The following NKAIN3 variants were observed in gnomAD, a reference collection of about 807,000 sequenced individuals.
NKAIN3 encodes the protein sodium/potassium-transporting ATPase subunit beta-1-interacting protein 3.
NKAIN3 carries 25 observed loss-of-function variants against 30.2 expected under a neutral mutation model. The ratio of observed to expected loss-of-function variants is 0.83; its 90% CI spans 0.60 to 1.16. NKAIN3 has a LOEUF of 1.16. NKAIN3 is among the 50% of genes most tolerant of loss of function. The probability of loss-of-function intolerance (pLI) is 0.00; values close to 1 mark genes in which losing one functional copy is unlikely to be tolerated. For synonymous variants in NKAIN3, 91 were observed against 89.6 expected (o/e 1.02, Z -0.09); for missense variants, 225 against 254.1 (o/e 0.89, Z 0.78).
intron 1 of NKAIN3, among the ~76,000 whole-genome samples, chr8:62,529,869 G>C (rs1045787709): frequency 6.6e-6 from 1 of 152,066 alleles, no homozygotes. Context: ...CTGAGCTCTT[G>C]TTATCTTTGT....
At position 62,980,716 on chromosome 8, in the gene NKAIN3, A is replaced by G. The variant is rs1320726489; in HGVS notation, c.*15309A>G. On this transcript the variant is annotated 3_prime_UTR_variant, in exon 7 of 7. Coordinates refer to ENST00000623646, the MANE Select transcript of NKAIN3 (RefSeq NM_001304533.3). ...TGTACATGATATTTTTAGGCAAAAC[A>G]TAATGTCTGGAGCACCAAGTGAAAT... 3 of 152,224 alleles carry G rather than the reference A, an allele frequency of 2.0e-5. No homozygotes were observed. The highest frequency in any genetic ancestry group is 4.4e-5 in the Non-Finnish European group (3 of 68,044). The allele number at this position is 152,224 out of a possible 1,614,324, so 9.4% of individuals were successfully genotyped here. A position where few individuals can be genotyped will look rare whatever the true frequency, so the allele number is the denominator to read the frequency against.
At chr8:62,859,229 T>G (rs990443184) in intron 4 of NKAIN3, among the ~76,000 whole-genome samples, 1 of 152,138 alleles carries the variant, frequency 6.6e-6, no homozygotes, top group Non-Finnish European at 1.5e-5. Context: ...CCTACCCTGC[T>G]TTTCTTTCTT....
intron 5 of NKAIN3, among the ~76,000 whole-genome samples, chr8:62,942,728 A>G (rs1423248319): frequency 6.6e-6 from 1 of 152,126 alleles, no homozygotes; most frequent in Non-Finnish European, 1.5e-5. Flanking sequence ...ACAAAGCCAA[A>G]TACTTACAGC....
At chr8:62,504,333 C>G (rs2129698164) in intron 1 of NKAIN3, among the ~76,000 whole-genome samples, 1 of 152,316 alleles carries the variant, frequency 6.6e-6, no homozygotes, top group African/African-American at 2.4e-5. Flanking sequence ...TATAAAATAT[C>G]TGAAACAAAA....
intron 1 of NKAIN3, among the ~76,000 whole-genome samples, chr8:62,313,877 T>A (rs1814528954): frequency 6.6e-6 from 1 of 152,116 alleles, no homozygotes; most frequent in Admixed American, 6.6e-5. Flanking sequence ...TCACAAAACA[T>A]TTACTGTAAA....
intron 4 of NKAIN3, among the ~76,000 whole-genome samples, chr8:62,790,767 G>C (rs1429804145): frequency 6.6e-6 from 1 of 152,050 alleles, no homozygotes; most frequent in African/African-American, 2.4e-5. Context: ...ACATGCTTTG[G>C]GCAAGTAATA....
intron 4 of NKAIN3, among the ~76,000 whole-genome samples, chr8:62,803,433 T>C (rs1818147875): frequency 6.6e-6 from 1 of 151,992 alleles, no homozygotes; most frequent in African/African-American, 2.4e-5. Flanking sequence ...CACAGTGCAA[T>C]CAAACTAGAA....
chr8:62,761,131 TCA>T (rs1262303482), intron 4 of NKAIN3, among the ~76,000 whole-genome samples: 9 of 152,196 alleles, frequency 5.9e-5, no homozygotes, highest in Non-Finnish European at 8.8e-5. Flanking sequence ...CATAACAGGC[TCA>T]CAGTGTATAC....
intron 1 of NKAIN3, among the ~76,000 whole-genome samples, chr8:62,266,143 A>G (rs573813433): frequency 6.6e-6 from 1 of 152,292 alleles, no homozygotes; most frequent in Non-Finnish European, 1.5e-5. Context: ...GGGGACACCA[A>G]GCAAGGAGCC....
At chr8:62,383,641 C>A in intron 1 of NKAIN3, 1 of 411,918 alleles carries the variant, frequency 2.4e-6, no homozygotes, top group South Asian at 1.8e-5. Flanking sequence ...ATTATCAAAC[C>A]ATTCTTTTCT....
intron 1 of NKAIN3, among the ~76,000 whole-genome samples, chr8:62,379,984 G>T (rs1339096415): frequency 6.6e-6 from 1 of 152,130 alleles, no homozygotes; most frequent in Non-Finnish European, 1.5e-5. Flanking sequence ...AAATGTCCCT[G>T]TCATGATATC....
chr8:62,728,230 G>T (rs1287918202), intron 3 of NKAIN3, among the ~76,000 whole-genome samples: 1 of 152,052 alleles, frequency 6.6e-6, no homozygotes, highest in African/African-American at 2.4e-5. Flanking sequence ...AAGTCTAGAT[G>T]ATCTTGAGTT....
chr8:62,977,485 C>G lies in NKAIN3; in HGVS notation c.*12078C>G, dbSNP rs572540884. Among the ~76,000 whole-genome samples the G allele has an allele frequency of 6.6e-6, 1 of 151,868 alleles. No individual in the cohort carries two copies. The highest frequency in any genetic ancestry group is 6.6e-5 in the Admixed American group (1 of 15,230). On this transcript the variant is annotated 3_prime_UTR_variant, in exon 7 of 7. Coordinates refer to ENST00000623646, the MANE Select transcript of NKAIN3 (RefSeq NM_001304533.3). Reference sequence around the variant, plus strand: ...TATCCTTTCTTCTGCTTGATCGATTCAGCTATTGATACTTGTGTATGCTTC... The same window carrying G: ...TATCCTTTCTTCTGCTTGATCGATTGAGCTATTGATACTTGTGTATGCTTC...
chr8:62,846,310 AT>A (rs577280979), intron 4 of NKAIN3, among the ~76,000 whole-genome samples: 4 of 151,878 alleles, frequency 2.6e-5, no homozygotes, highest in South Asian at 2.1e-4. Flanking sequence ...TTTCCAGTTG[AT>A]TTTTTTTATT....
At chr8:62,995,294 A>G (rs999482287) in intron 5 of NKAIN3, among the ~76,000 whole-genome samples, 1 of 152,206 alleles carries the variant, frequency 6.6e-6, no homozygotes, top group Non-Finnish European at 1.5e-5. Context: ...TGAGAAGTGG[A>G]TATTTCAAAT....
At chr8:62,871,947 C>A (rs1820658739) in intron 4 of NKAIN3, among the ~76,000 whole-genome samples, 1 of 152,198 alleles carries the variant, frequency 6.6e-6, no homozygotes, top group Non-Finnish European at 1.5e-5. Flanking sequence ...CATAGTCATG[C>A]ATTGCATAAG....
At chr8:62,713,285 G>A (rs771731968) in intron 3 of NKAIN3, among the ~76,000 whole-genome samples, 4 of 152,166 alleles carry the variant, frequency 2.6e-5, no homozygotes, top group Non-Finnish European at 4.4e-5. Context: ...AAGCTTGCAC[G>A]TAGTAGACAC....
intron 4 of NKAIN3, among the ~76,000 whole-genome samples, chr8:62,862,014 C>T (rs777518010): frequency 2.0e-5 from 3 of 152,128 alleles, no homozygotes; most frequent in Admixed American, 6.6e-5. Context: ...CATATTAGAG[C>T]TGCTCAGACT....
At chr8:62,847,014 A>G (rs893868326) in intron 4 of NKAIN3, among the ~76,000 whole-genome samples, 2 of 152,108 alleles carry the variant, frequency 1.3e-5, no homozygotes, top group African/African-American at 4.8e-5. Flanking sequence ...AATTATCTCC[A>G]TCTGTCCCTG....
Sources: gnomAD v4.1 joint callset for allele counts (sites outside exome capture counted in the v4.1 genomes callset) on GRCh38, gnomAD v4.1.1 for gene constraint, MANE v1.5 for transcripts, NCBI Gene and HGNC (gene_info 2026-07-23, HGNC 2026-07-21) for gene names.